TMEM163: variants seen among roughly 807,000 people sequenced by gnomAD.
The protein encoded by TMEM163 is transmembrane protein 163.
A neutral mutation model predicts 29.3 loss-of-function variants in TMEM163; 17 were observed. That is an observed-to-expected ratio of 0.58 (90% confidence interval 0.40 to 0.87). TMEM163 has a LOEUF of 0.87. TMEM163 is among the 40% of genes least tolerant of loss of function. The pLI, the probability that TMEM163 is intolerant of heterozygous loss-of-function variation, is 0.00. For synonymous variants in TMEM163, 157 were observed against 160.6 expected, an observed-to-expected ratio of 0.98 and a Z score of 0.17; for missense variants, 303 against 381.5, an observed-to-expected ratio of 0.79 and a Z score of 1.71.
chr2:134,473,822 T>C (rs549809207), intron 5 of TMEM163, among the ~76,000 whole-genome samples: 3 of 152,246 alleles, frequency 2.0e-5, no homozygotes, highest in East Asian at 1.9e-4. Context: ...ATCCAAGAAG[T>C]AGATAACCTG....
At chr2:134,553,690 C>T (rs1209828565) in intron 2 of TMEM163, among the ~76,000 whole-genome samples, 1 of 152,222 alleles carries the variant, frequency 6.6e-6, no homozygotes, top group Non-Finnish European at 1.5e-5. Context: ...ACATGAGCTG[C>T]TCCAGGAGTC....
At chr2:134,495,765 A>G (rs1558922507) in intron 5 of TMEM163, among the ~76,000 whole-genome samples, 1 of 152,154 alleles carries the variant, frequency 6.6e-6, no homozygotes, top group Non-Finnish European at 1.5e-5. Flanking sequence ...AAAACAGACT[A>G]TTTTTTCCTG....
intron 2 of TMEM163, among the ~76,000 whole-genome samples, chr2:134,594,865 CT>C: frequency 6.6e-6 from 1 of 151,796 alleles, no homozygotes; most frequent in Non-Finnish European, 1.5e-5. Flanking sequence ...CTCTCTCTCT[CT>C]CTCTCTCTCT....
intron 4 of TMEM163, among the ~76,000 whole-genome samples, chr2:134,533,723 G>T (rs1036776390): frequency 6.6e-6 from 1 of 152,058 alleles, no homozygotes; most frequent in Admixed American, 6.6e-5. Context: ...GCCTCCTACT[G>T]CTCCTATAAT....
chr2:134,616,440 A>G (rs908306598), intron 2 of TMEM163, among the ~76,000 whole-genome samples: 1 of 152,188 alleles, frequency 6.6e-6, no homozygotes, highest in Admixed American at 6.5e-5. Context: ...AAAATCTTTA[A>G]AAGTTTTTAA....
intron 2 of TMEM163, among the ~76,000 whole-genome samples, chr2:134,657,864 C>T (rs150944078): frequency 0.016 from 2,367 of 151,988 alleles, 50 homozygotes; most frequent in African/African-American, 0.054. Context: ...AGGGCGTGGG[C>T]GGGAGGAAGG....
At chr2:134,518,870 C>G (rs555536653) in intron 4 of TMEM163, among the ~76,000 whole-genome samples, 1 of 152,244 alleles carries the variant, frequency 6.6e-6, no homozygotes, top group African/African-American at 2.4e-5. Context: ...GGGGGTGTTC[C>G]AGGAAGAACT....
intron 5 of TMEM163, among the ~76,000 whole-genome samples, chr2:134,501,168 G>C (rs2106486663): frequency 6.6e-6 from 1 of 152,208 alleles, no homozygotes; most frequent in East Asian, 1.9e-4. Context: ...CAATCCCATA[G>C]CACAATTCAT....
chr2:134,709,049 C>T (rs989253848), intron 2 of TMEM163, among the ~76,000 whole-genome samples: 9 of 152,196 alleles, frequency 5.9e-5, no homozygotes, highest in Admixed American at 5.9e-4. Flanking sequence ...TTAACTTGCA[C>T]TCAAACCTGA....
At chr2:134,580,967 A>C (rs1346591622) in intron 2 of TMEM163, among the ~76,000 whole-genome samples, 1 of 152,120 alleles carries the variant, frequency 6.6e-6, no homozygotes, top group Non-Finnish European at 1.5e-5. Flanking sequence ...TCTGGGTTTG[A>C]CTAACCAATC....
chr2:134,556,189 C>T (rs549436097), intron 2 of TMEM163, among the ~76,000 whole-genome samples: 1 of 152,120 alleles, frequency 6.6e-6, no homozygotes, highest in Non-Finnish European at 1.5e-5. Flanking sequence ...CAGACTGAAC[C>T]TCTTAAATCA....
rs967943401 is a variant in TMEM163, at chr2:134,456,633, C to A, written c.*83G>T. 1 of 1,509,138 alleles carries A rather than the reference C, an allele frequency of 6.6e-7. No homozygotes were observed. The highest frequency in any genetic ancestry group is 2.3e-5 in the East Asian group (1 of 43,144). The allele number at this position is 1,509,138 out of a possible 1,614,324, so 93.5% of individuals were successfully genotyped here. A position where few individuals can be genotyped will look rare whatever the true frequency, so the allele number is the denominator to read the frequency against. On this transcript the variant is annotated 3_prime_UTR_variant, in exon 8 of 8. Coordinates refer to ENST00000281924, the MANE Select transcript of TMEM163 (RefSeq NM_030923.5). Reference sequence around the variant, plus strand: ...GTGAAAGAAAACTTCCAAAAAGAAACCAGATGTTCAGTTAAATATTGGCAC... The same window carrying A: ...GTGAAAGAAAACTTCCAAAAAGAAAACAGATGTTCAGTTAAATATTGGCAC...
chr2:134,496,842 C>A (rs1237259032), intron 5 of TMEM163, among the ~76,000 whole-genome samples: 1 of 152,112 alleles, frequency 6.6e-6, no homozygotes, highest in Non-Finnish European at 1.5e-5. Context: ...TCTCCCTATT[C>A]CTTCCCTCCT....
At chr2:134,699,134 G>A (rs1181599177) in intron 2 of TMEM163, among the ~76,000 whole-genome samples, 1 of 152,162 alleles carries the variant, frequency 6.6e-6, no homozygotes, top group Non-Finnish European at 1.5e-5. Flanking sequence ...AGAATGACTA[G>A]CATAGCGCAC....
At chr2:134,508,444 T>C (rs572637370) in intron 4 of TMEM163, among the ~76,000 whole-genome samples, 2 of 152,348 alleles carry the variant, frequency 1.3e-5, no homozygotes, top group Non-Finnish European at 2.9e-5. Context: ...ACGGTACTTA[T>C]GACTGCACAA....
chr2:134,659,862 A>G (rs1683709293), intron 2 of TMEM163, among the ~76,000 whole-genome samples: 1 of 152,094 alleles, frequency 6.6e-6, no homozygotes, highest in African/African-American at 2.4e-5. Context: ...CCTTGAGCTC[A>G]GGAGTTTGAG....
At chr2:134,606,221 C>T (rs1293214910) in intron 2 of TMEM163, among the ~76,000 whole-genome samples, 1 of 152,078 alleles carries the variant, frequency 6.6e-6, no homozygotes, top group Admixed American at 6.5e-5. Context: ...GGTCAACTTC[C>T]AGCACCTGCC....
chr2:134,542,614 T>C (rs112751036), intron 4 of TMEM163, among the ~76,000 whole-genome samples: 2,972 of 152,246 alleles, frequency 0.02, 85 homozygotes, highest in African/African-American at 0.065. Context: ...GTACAATAAA[T>C]GTAATGTGCT....
At chr2:134,597,346 G>A (rs565636772) in intron 2 of TMEM163, among the ~76,000 whole-genome samples, 2 of 152,244 alleles carry the variant, frequency 1.3e-5, no homozygotes, top group Non-Finnish European at 2.9e-5. Flanking sequence ...TTTGTCAAAG[G>A]CCTTTTCTGC....
Sources: allele counts gnomAD v4.1 joint callset (sites outside exome capture counted in the v4.1 genomes callset), GRCh38; gene constraint gnomAD v4.1.1; transcripts MANE v1.5; gene names NCBI Gene and HGNC (gene_info 2026-07-23, HGNC 2026-07-21).